Variants in AXDND1 observed in about 807,000 individuals in gnomAD.
AXDND1 encodes the protein axonemal dynein light chain domain containing 1, also known as axonemal dynein light chain domain-containing protein 1.
Under a neutral mutation model 137.5 loss-of-function variants are expected in AXDND1, and 110 were observed. That is an observed-to-expected ratio of 0.80 (90% CI 0.69 to 0.94). The LOEUF (loss-of-function observed/expected upper bound fraction) is 0.94, where lower values mean the gene tolerates loss of function less well. AXDND1 is among the 40% of genes least tolerant of loss of function. The pLI is 0.00. For missense variants in AXDND1, 1,191 were observed against 1,169.8 expected (o/e 1.02, Z -0.26); for synonymous variants, 414 against 399.7 (o/e 1.04, Z -0.43).
intron 11 of AXDND1, among the ~76,000 whole-genome samples, chr1:179,403,470 A>G (rs1184026891): frequency 3.9e-5 from 6 of 152,238 alleles, no homozygotes; most frequent in Non-Finnish European, 4.4e-5. Context: ...ATGTTACTGT[A>G]CTAAACGTGA....
intron 11 of AXDND1, among the ~76,000 whole-genome samples, chr1:179,395,968 A>C (rs1209024173): frequency 6.6e-6 from 1 of 152,014 alleles, no homozygotes; most frequent in East Asian, 1.9e-4. Flanking sequence ...TGAGAGTTTG[A>C]GACTAGCCTG....
At chr1:179,433,667 A>C (rs909290540) in intron 15 of AXDND1, among the ~76,000 whole-genome samples, 2 of 152,074 alleles carry the variant, frequency 1.3e-5, no homozygotes, top group Non-Finnish European at 2.9e-5. Flanking sequence ...ATGCAGTTGT[A>C]TGGTTTTGAG....
At chr1:179,432,464 C>T (rs7550736) in intron 15 of AXDND1, 122 bp downstream of exon 15, 393,007 of 1,320,272 alleles carry the variant, frequency 0.3, 60,706 homozygotes, top group Non-Finnish European at 0.31. Context: ...CACTCACTGT[C>T]GCCCAGGCTG....
rs551571488 is a variant in AXDND1, at chr1:179,503,746, C to G, written c.2389-5550C>G. On this transcript the variant is annotated intron_variant, in intron 20 of 25. Transcript: ENST00000367618. ...CAGTCCCCGGAGTGTGTGATGTTCC[C>G]CTTCCTGTGTCCATGTGTTCTCATT... 3.3e-5 allele frequency among the ~76,000 whole-genome samples: 5 copies of G among 152,110 alleles called. No homozygotes were observed. The East Asian group carries it at 7.8e-4, about 24-fold the overall frequency.
Position 179,523,243 on chromosome 1 carries a change from G to GT in AXDND1, c.2497-2078dup, listed in dbSNP as rs201450106. 1.5e-3 allele frequency among the ~76,000 whole-genome samples: 218 copies of GT among 144,922 alleles called. No homozygotes were observed. The East Asian group carries it at 0.021, about 14-fold the overall frequency. The stretch of plus-strand genomic sequence containing the variant: ...CTTTTGATTTCATCTGATTGTTTTT[G>GT]TTTTTTTTTTTTTGAGGCAGCAATT... On this transcript the variant is annotated intron_variant, in intron 21 of 25. Transcript: ENST00000367618.
At chr1:179,491,028 AAAG>A (rs1375632495) in intron 18 of AXDND1, among the ~76,000 whole-genome samples, 2 of 152,188 alleles carry the variant, frequency 1.3e-5, no homozygotes, top group Non-Finnish European at 2.9e-5. Context: ...TGGCCAGGCT[AAAG>A]AAGAGATCAG....
chr1:179,442,995 G>A (rs1659220706), intron 15 of AXDND1, among the ~76,000 whole-genome samples: 1 of 152,144 alleles, frequency 6.6e-6, no homozygotes, highest in Admixed American at 6.5e-5. Flanking sequence ...GCGAGAAAGG[G>A]GGGCGGTGAT....
At chr1:179,406,110 G>A (rs1652914657) in intron 11 of AXDND1, among the ~76,000 whole-genome samples, 1 of 152,082 alleles carries the variant, frequency 6.6e-6, no homozygotes, top group South Asian at 2.1e-4. Flanking sequence ...TGTATTTACT[G>A]ACCCAGTGAT....
At position 179,367,945 on chromosome 1, in the gene AXDND1, G is replaced by A. The variant is rs147897746; in HGVS notation, c.98-855G>A. Among the ~76,000 whole-genome samples the A allele has an allele frequency of 3.3e-3, 495 of 150,194 alleles. 5 individuals are homozygous for A. The highest frequency in any genetic ancestry group is 0.012 in the African/African-American group (470 of 40,764). ...GCTTTTCCCATCTCACCTGCACCTTGTACTAAAACCCCAAGCCCCACCCAA... is the reference window on the plus strand; with the variant it reads ...GCTTTTCCCATCTCACCTGCACCTTATACTAAAACCCCAAGCCCCACCCAA... On this transcript the variant is annotated intron_variant, in intron 2 of 25. Coordinates refer to ENST00000367618, the MANE Select transcript of AXDND1 (RefSeq NM_144696.6).
At chr1:179,463,383 AG>A (rs1180431776) in intron 16 of AXDND1, among the ~76,000 whole-genome samples, 3 of 152,208 alleles carry the variant, frequency 2.0e-5, no homozygotes, top group African/African-American at 7.2e-5. Context: ...TGTACCCAGT[AG>A]TCATTCAGGA....
intron 9 of AXDND1, among the ~76,000 whole-genome samples, chr1:179,391,964 T>A (rs2125129653): frequency 6.6e-6 from 1 of 152,284 alleles, no homozygotes; most frequent in South Asian, 2.1e-4. Context: ...TCCTGAGGCC[T>A]CCCCAGCTCT....
At chr1:179,437,155 AC>A (rs1658289386) in intron 15 of AXDND1, among the ~76,000 whole-genome samples, 1 of 152,002 alleles carries the variant, frequency 6.6e-6, no homozygotes, top group Non-Finnish European at 1.5e-5. Flanking sequence ...GGGGGACTGA[AC>A]AAAGGGGGGC....
intron 18 of AXDND1, among the ~76,000 whole-genome samples, chr1:179,486,139 A>AAAAAAAAAAACAGAAAACT (rs149119239): frequency 1.1e-5 from 1 of 87,770 alleles, no homozygotes. Context: ...AAAAAAAAAA[A>AAAAAAAAAAACAGAAAACT]AACCTGATAG....
In AXDND1 at chr1:179,394,946, C is replaced by T. The variant is rs752793263; in HGVS notation, c.1005-152C>T. 7.2e-6 allele frequency: 4 copies of T among 554,186 alleles called. No individual in the cohort carries two copies. In the Admixed American group the frequency reaches 9.4e-5, roughly 13 times the overall value. The allele number at this position is 554,186 out of a possible 1,614,324, so 34.3% of individuals were successfully genotyped here. ...CAAGATTCCATCTAGAATGTACACT[C>T]AATTTCTTGATTTGGTTTATAAGGT... is the stretch of plus-strand genomic sequence containing the variant. On this transcript the variant is annotated intron_variant, in intron 10 of 25. Transcript: ENST00000367618.
At chr1:179,545,007 C>G (rs1403980495) in intron 25 of AXDND1, 1 of 152,242 alleles carries the variant, frequency 6.6e-6, no homozygotes, top group Non-Finnish European at 1.5e-5. Flanking sequence ...GAAGATTCAC[C>G]CAGAATCTCT....
rs1481599097 is a variant in AXDND1, at chr1:179,484,013, A to G, written c.2091+792A>G. 2.6e-5 allele frequency among the ~76,000 whole-genome samples: 4 copies of G among 152,180 alleles called. No homozygotes were observed. The East Asian group carries it at 7.7e-4, about 29-fold the overall frequency. ...TAGAGGGAAGGCATTGAGGGTGGAC[A>G]GAGGGAAGATAGAGATGCTGGGCTA... is the stretch of plus-strand genomic sequence containing the variant. On this transcript the variant is annotated intron_variant, in intron 18 of 25. Transcript: ENST00000367618.
chr1:179,460,251 C>T (rs1662132372), intron 16 of AXDND1, among the ~76,000 whole-genome samples: 1 of 152,044 alleles, frequency 6.6e-6, no homozygotes, highest in East Asian at 1.9e-4. Context: ...GTCCAAGTGT[C>T]CTCATTGTTC....
At chr1:179,538,790 G>A (rs4652411) in intron 25 of AXDND1, among the ~76,000 whole-genome samples, 45,687 of 151,436 alleles carry the variant, frequency 0.3, 7,595 homozygotes, top group Middle Eastern at 0.43. Context: ...TTAACAGTGG[G>A]GTGTTAAAGT....
chr1:179,370,852 CA>C (rs1453901152), intron 4 of AXDND1, among the ~76,000 whole-genome samples: 1 of 152,116 alleles, frequency 6.6e-6, no homozygotes, highest in East Asian at 1.9e-4. Context: ...GTGTGCCTCC[CA>C]GGGATATTGT....
Sources: gnomAD v4.1 joint callset for allele counts (sites outside exome capture counted in the v4.1 genomes callset) on GRCh38, gnomAD v4.1.1 for gene constraint, MANE v1.5 for transcripts, NCBI Gene and HGNC (gene_info 2026-07-23, HGNC 2026-07-21) for gene names.